The following PAM variants were observed in gnomAD, a reference collection of about 807,000 sequenced individuals.
PAM encodes the protein peptidyl-glycine alpha-amidating monooxygenase.
In PAM, 72 loss-of-function variants were observed where a neutral mutation model predicts 122.1. The ratio of observed to expected loss-of-function variants is 0.59; its 90% CI spans 0.49 to 0.72. The LOEUF (loss-of-function observed/expected upper bound fraction) is 0.72. PAM is among the 30% of genes least tolerant of loss of function. PAM has a pLI of 0.00. For missense variants in PAM, 1,106 were observed against 1,183.7 expected (o/e 0.93, Z 0.96); for synonymous variants, 389 against 404.4 (o/e 0.96, Z 0.46).
At position 103,007,622 on chromosome 5, in the gene PAM, T is replaced by G. The variant is rs773199980; in HGVS notation, c.2180T>G (p.Phe727Cys). The change falls in exon 20 of 26, where the codon TTT (phenylalanine) becomes TGT (cysteine). Residue 727 changes from phenylalanine to cysteine, a missense_variant. Transcript: ENST00000438793. ...GTGAGAGAGATTAAGCATTCATCAT[T>G]TGGAAGAAATGTATTTGCAATTTCA... ...EFVREIKHSSFGRNVFAISYI... is the reference protein window; with the variant it reads ...EFVREIKHSSCGRNVFAISYI... 1 of 1,612,742 alleles carries G rather than the reference T, an allele frequency of 6.2e-7. No homozygotes were observed. The highest frequency in any genetic ancestry group is 8.5e-7 in the Non-Finnish European group (1 of 1,178,936).
At chr5:103,014,436 A>G (rs979296841) in intron 21 of PAM, among the ~76,000 whole-genome samples, 1 of 152,248 alleles carries the variant, frequency 6.6e-6, no homozygotes, top group African/African-American at 2.4e-5. Context: ...TTGATATTAC[A>G]CCAAAACATA....
intron 1 of PAM, among the ~76,000 whole-genome samples, chr5:102,771,305 A>G (rs75083930): frequency 0.02 from 3,113 of 152,236 alleles, 41 homozygotes; most frequent in Admixed American, 0.032. Flanking sequence ...CCATTGCTAA[A>G]CATTCTATAG....
chr5:102,901,217 A>T, intron 3 of PAM, 139 bp from the exon 4 acceptor site: 3 of 569,412 alleles, frequency 5.3e-6, no homozygotes, highest in Non-Finnish European at 9.6e-6. Flanking sequence ...CCTTTCCATT[A>T]ACCTGCCACT....
chr5:102,840,922 G>C (rs1232034869), intron 1 of PAM, among the ~76,000 whole-genome samples: 1 of 152,190 alleles, frequency 6.6e-6, no homozygotes, highest in African/African-American at 2.4e-5. Flanking sequence ...TGATGAAGGT[G>C]AAAGGGGAAA....
chr5:102,851,691 A>G (rs1781384486), intron 1 of PAM, among the ~76,000 whole-genome samples: 1 of 152,234 alleles, frequency 6.6e-6, no homozygotes, highest in South Asian at 2.1e-4. Flanking sequence ...AATTTGGCTA[A>G]ATCAGAATGA....
intron 16 of PAM, among the ~76,000 whole-genome samples, chr5:102,999,144 T>C (rs1776605319): frequency 6.6e-6 from 1 of 152,200 alleles, no homozygotes; most frequent in Non-Finnish European, 1.5e-5. Context: ...ACCACCCCCA[T>C]GATTCAATTA....
intron 16 of PAM, among the ~76,000 whole-genome samples, chr5:102,991,372 C>G (rs969078465): frequency 6.6e-6 from 1 of 152,116 alleles, no homozygotes; most frequent in Non-Finnish European, 1.5e-5. Context: ...AGCCATTATT[C>G]ATTTATTTCA....
intron 15 of PAM, among the ~76,000 whole-genome samples, chr5:102,987,946 T>C (rs1196891396): frequency 6.6e-6 from 1 of 152,216 alleles, no homozygotes; most frequent in Non-Finnish European, 1.5e-5. Context: ...CTCTGTGCTT[T>C]ACTGCTGCTA....
intron 1 of PAM, among the ~76,000 whole-genome samples, chr5:102,776,192 T>C (rs931738358): frequency 1.7e-4 from 26 of 152,186 alleles, no homozygotes; most frequent in African/African-American, 6.0e-4. Context: ...GGTTGTTTTT[T>C]TCTTGTAAAT....
intron 1 of PAM, among the ~76,000 whole-genome samples, chr5:102,852,847 A>G (rs944044421): frequency 1.3e-5 from 2 of 152,238 alleles, no homozygotes; most frequent in African/African-American, 4.8e-5. Flanking sequence ...TAGTATTCCT[A>G]TAGCACTTAG....
chr5:102,884,864 G>A (rs1792456239), intron 3 of PAM, among the ~76,000 whole-genome samples: 1 of 151,746 alleles, frequency 6.6e-6, no homozygotes, highest in Non-Finnish European at 1.5e-5. Context: ...AAAGCTCACA[G>A]CACTTTTAAA....
chr5:103,028,743 CTG>C, intron 25 of PAM, 142 bp from the exon 26 acceptor site: 1 of 598,214 alleles, frequency 1.7e-6, no homozygotes. Context: ...GGATACGTCT[CTG>C]TCTGTTTTTC....
At chr5:102,919,115 C>T (rs1746465798) in intron 5 of PAM, among the ~76,000 whole-genome samples, 1 of 152,074 alleles carries the variant, frequency 6.6e-6, no homozygotes, top group South Asian at 2.1e-4. Flanking sequence ...CAAGCTAAAG[C>T]AGTAGTGCTT....
chr5:102,766,784 A>G (rs2149717259), intron 1 of PAM, among the ~76,000 whole-genome samples: 1 of 152,098 alleles, frequency 6.6e-6, no homozygotes, highest in East Asian at 1.9e-4. Flanking sequence ...GAGCAAAAGT[A>G]CTCATTAATT....
At chr5:103,030,959 GTT>G (rs1341681472), downstream of PAM, 2 of 152,136 alleles carry the variant, frequency 1.3e-5, no homozygotes, top group Non-Finnish European at 2.9e-5. Context: ...ATAAATTATA[GTT>G]TACAGATGTT....
At chr5:102,987,520 A>G (rs761217511) in intron 15 of PAM, 10 of 455,728 alleles carry the variant, frequency 2.2e-5, no homozygotes, top group South Asian at 1.6e-4. Flanking sequence ...CCAAATAGCT[A>G]GAAGAGAAGA....
chr5:103,004,720 T>A (rs1225596378), intron 17 of PAM, among the ~76,000 whole-genome samples: 5 of 152,224 alleles, frequency 3.3e-5, no homozygotes, highest in Non-Finnish European at 1.5e-5. Context: ...TTGAGTTATA[T>A]GTCTAATAGT....
At chr5:102,908,633 G>A (rs1163056523) in intron 4 of PAM, among the ~76,000 whole-genome samples, 26 of 151,088 alleles carry the variant, frequency 1.7e-4, no homozygotes, top group Admixed American at 1.7e-3. Context: ...CGAGTTAGTG[G>A]GTGCAGCGCA....
intron 1 of PAM, among the ~76,000 whole-genome samples, chr5:102,818,024 C>CA (rs753744226): frequency 0.035 from 1,946 of 55,146 alleles, 23 homozygotes; most frequent in Non-Finnish European, 0.04. Context: ...TTTTTTTTCT[C>CA]AAAAAAAAAA....
Sources: allele counts gnomAD v4.1 joint callset (sites outside exome capture counted in the v4.1 genomes callset), GRCh38; gene constraint gnomAD v4.1.1; transcripts MANE v1.5; gene names NCBI Gene and HGNC (gene_info 2026-07-23, HGNC 2026-07-21).